CLIC5: variants seen among roughly 807,000 people sequenced by gnomAD.
CLIC5 encodes the protein chloride intracellular channel protein 5.
CLIC5 carries 20 observed loss-of-function variants against 24.7 expected under a neutral mutation model. The ratio of observed to expected loss-of-function variants is 0.81; its 90% confidence interval spans 0.57 to 1.18. The LOEUF (loss-of-function observed/expected upper bound fraction) is 1.18, where lower values mean the gene tolerates loss of function less well. Ranked by LOEUF, CLIC5 falls within the 50% of genes most tolerant of loss-of-function variation. The pLI is 0.00. For missense variants in CLIC5, 341 were observed against 326.1 expected (o/e 1.05, Z -0.35); for synonymous variants, 159 against 135.6 (o/e 1.17, Z -1.20).
the CLIC5 span, among the ~76,000 whole-genome samples, chr6:46,086,925 T>G: frequency 1.3e-5 from 2 of 152,314 alleles, no homozygotes; most frequent in Non-Finnish European, 2.9e-5. Flanking sequence ...TCCTTAGAGT[T>G]CCATCAAATG....
chr6:45,899,789 A>C lies in CLIC5; in HGVS notation c.*3299T>G, dbSNP rs1363968134. The C allele has an allele frequency of 1.3e-5, 2 of 152,180 alleles. No individual in the cohort carries two copies. The highest frequency in any genetic ancestry group is 1.3e-4 in the Admixed American group (2 of 15,282). The allele number at this position is 152,180 out of a possible 1,614,324, so 9.4% of individuals were successfully genotyped here. A position where few individuals can be genotyped will look rare whatever the true frequency, so the allele number is the denominator to read the frequency against. ...GTGGCCTTTTTCTGATAAGATCAAG[A>C]CTTCACTGGCCCCACCAGCACAAGA... On this transcript the variant is annotated 3_prime_UTR_variant, in exon 6 of 6. Transcript: ENST00000339561.
the CLIC5 span, among the ~76,000 whole-genome samples, chr6:46,112,904 A>C: frequency 1.3e-5 from 2 of 152,158 alleles, no homozygotes; most frequent in African/African-American, 2.4e-5. Flanking sequence ...TTAAAATATA[A>C]AAATTAGCCG....
intron 4 of CLIC5, among the ~76,000 whole-genome samples, chr6:45,923,861 C>G (rs551301633): frequency 2.0e-5 from 3 of 152,292 alleles, no homozygotes; most frequent in African/African-American, 7.2e-5. Flanking sequence ...GCTGCCTGGG[C>G]TGGGGTCCTG....
chr6:46,128,099 G>A, the CLIC5 span, among the ~76,000 whole-genome samples: 68,126 of 151,974 alleles, frequency 0.45, 16,534 homozygotes, highest in Middle Eastern at 0.68. Flanking sequence ...CAGGATTTTG[G>A]TTGTGGTTGA....
Position 45,925,750 on chromosome 6 carries a change from T to C in CLIC5, c.407-11341A>G, listed in dbSNP as rs903788063. On this transcript the variant is annotated intron_variant, in intron 4 of 5. Transcript: ENST00000339561. ...AATCATGTGACTCTATTTATATACT[T>C]ATGTAATAAGCTTTAACTCTGTAGA... 3.3e-5 allele frequency among the ~76,000 whole-genome samples: 5 copies of C among 152,206 alleles called. No individual in the cohort carries two copies. The East Asian group carries it at 7.7e-4, about 23-fold the overall frequency.
intron 1 of CLIC5, among the ~76,000 whole-genome samples, chr6:46,002,078 G>A (rs970587370): frequency 1.3e-5 from 2 of 152,036 alleles, no homozygotes; most frequent in Non-Finnish European, 2.9e-5. Flanking sequence ...TCTTCTATGT[G>A]GCATTATAAC....
At chr6:45,960,477 G>A (rs1257855357) in intron 1 of CLIC5, among the ~76,000 whole-genome samples, 8 of 152,222 alleles carry the variant, frequency 5.3e-5, no homozygotes, top group African/African-American at 1.7e-4. Flanking sequence ...GCAGGAGGAA[G>A]AGGCTTTCTT....
intron 3 of CLIC5, among the ~76,000 whole-genome samples, chr6:45,947,832 T>C (rs1046669828): frequency 6.6e-6 from 1 of 152,148 alleles, no homozygotes; most frequent in Non-Finnish European, 1.5e-5. Context: ...GGCTGTCCTA[T>C]TGATTTAATT....
chr6:46,112,361 T>C, the CLIC5 span, among the ~76,000 whole-genome samples: 1 of 152,214 alleles, frequency 6.6e-6, no homozygotes, highest in Non-Finnish European at 1.5e-5. Flanking sequence ...GTGAGTTTTA[T>C]TATATAACAA....
chr6:45,927,338 G>A (rs1046120919), intron 4 of CLIC5, among the ~76,000 whole-genome samples: 83 of 152,010 alleles, frequency 5.5e-4, no homozygotes, highest in African/African-American at 2.0e-3. Flanking sequence ...TGTCCGAATC[G>A]CCTGGGAGCT....
the CLIC5 span, among the ~76,000 whole-genome samples, chr6:46,092,190 G>A: frequency 6.6e-6 from 1 of 152,140 alleles, no homozygotes; most frequent in Admixed American, 6.5e-5. Context: ...CCAAGGTCAG[G>A]CAGACAATAA....
chr6:46,093,713 A>T, the CLIC5 span, among the ~76,000 whole-genome samples: 136 of 152,224 alleles, frequency 8.9e-4, 3 homozygotes, highest in Admixed American at 8.8e-3. Flanking sequence ...GAAAAGATCT[A>T]GCAGATTTTG....
chr6:46,083,694 A>G (rs2127480624), upstream of CLIC5, among the ~76,000 whole-genome samples: 1 of 152,260 alleles, frequency 6.6e-6, no homozygotes, highest in Non-Finnish European at 1.5e-5. Flanking sequence ...TTTACTTCCA[A>G]CTATGTGGTC....
intron 4 of CLIC5, among the ~76,000 whole-genome samples, chr6:45,922,823 A>AGAGAGAGAG (rs1763318438): frequency 1.2e-4 from 17 of 140,708 alleles, no homozygotes; most frequent in African/African-American, 3.6e-4. Context: ...GAGAGAGAGA[A>AGAGAGAGAG]AGAGAGAGAG....
the CLIC5 span, among the ~76,000 whole-genome samples, chr6:46,109,902 G>A: frequency 7.5e-3 from 1,087 of 144,656 alleles, 5 homozygotes; most frequent in Non-Finnish European, 0.012. Flanking sequence ...CTGGGGTCCA[G>A]GGTCTAAAAC....
At chr6:46,005,447 C>A (rs1561998199) in intron 1 of CLIC5, among the ~76,000 whole-genome samples, 1 of 152,180 alleles carries the variant, frequency 6.6e-6, no homozygotes, top group Non-Finnish European at 1.5e-5. Context: ...AAACACCCTG[C>A]CTCAGATGCA....
chr6:46,032,720 C>T (rs1338430566), intron 1 of CLIC5, among the ~76,000 whole-genome samples: 2 of 152,150 alleles, frequency 1.3e-5, no homozygotes, highest in Admixed American at 1.3e-4. Flanking sequence ...TATTGAAATC[C>T]TCTTCGTGCC....
chr6:46,072,992 T>A (rs1053388974), intron 1 of CLIC5, among the ~76,000 whole-genome samples: 11 of 152,208 alleles, frequency 7.2e-5, no homozygotes, highest in African/African-American at 2.7e-4. Flanking sequence ...AAAAATCCCC[T>A]GGATGGACAG....
the CLIC5 span, among the ~76,000 whole-genome samples, chr6:46,120,022 C>A: frequency 1.3e-5 from 2 of 152,246 alleles, no homozygotes; most frequent in Non-Finnish European, 2.9e-5. Flanking sequence ...CATAGCCAAA[C>A]AAAAGGCAGC....
Sources: allele counts gnomAD v4.1 joint callset (sites outside exome capture counted in the v4.1 genomes callset), GRCh38; gene constraint gnomAD v4.1.1; transcripts MANE v1.5; gene names NCBI Gene and HGNC (gene_info 2026-07-23, HGNC 2026-07-21).